Variants in NDUFAF2 observed in about 807,000 individuals in gnomAD.
The protein encoded by NDUFAF2 is NADH:ubiquinone oxidoreductase complex assembly factor 2, also known as NADH dehydrogenase [ubiquinone] 1 alpha subcomplex assembly factor 2.
A neutral mutation model predicts 22.8 loss-of-function variants in NDUFAF2; 13 were observed. That is an observed-to-expected ratio of 0.57 (90% confidence interval 0.37 to 0.91). The LOEUF (loss-of-function observed/expected upper bound fraction) is 0.91. Among genes scored for constraint, NDUFAF2 ranks in the 40% least tolerant of loss-of-function variants. NDUFAF2 has a pLI of 0.01. For synonymous variants in NDUFAF2, 53 were observed against 64.2 expected (o/e 0.83, Z 0.84); for missense variants, 162 against 195.2 (o/e 0.83, Z 1.01).
chr5:61,016,761 G>A (rs1234340456), intron 1 of NDUFAF2, among the ~76,000 whole-genome samples: 2 of 152,170 alleles, frequency 1.3e-5, no homozygotes, highest in South Asian at 2.1e-4. Context: ...GTCAAAGCTT[G>A]TAGTTTTAGG....
At chr5:61,099,163 T>G (rs564312525) in intron 3 of NDUFAF2, 131 bp downstream of exon 3, 4 of 367,672 alleles carry the variant, frequency 1.1e-5, no homozygotes, top group Admixed American at 9.1e-5. Context: ...TTAAAACATT[T>G]TATAATAAAT....
At chr5:60,962,984 C>G (rs28534860) in intron 1 of NDUFAF2, among the ~76,000 whole-genome samples, 7,134 of 151,922 alleles carry the variant, frequency 0.047, 569 homozygotes, top group African/African-American at 0.16. Context: ...CTTCCAGGTT[C>G]AAGTCATTCT....
chr5:61,003,191 A>G (rs927874437), intron 1 of NDUFAF2, among the ~76,000 whole-genome samples: 1 of 152,118 alleles, frequency 6.6e-6, no homozygotes, highest in African/African-American at 2.4e-5. Flanking sequence ...GAATGCACAG[A>G]TTCTCTGCAA....
In NDUFAF2 at chr5:60,998,468, T is replaced by C. The variant is rs573152417; in HGVS notation, c.127+53086T>C. On this transcript the variant is annotated intron_variant, in intron 1 of 3. Transcript: ENST00000296597. ...ATTTTAAAAAAATTAATATGTGGAG[T>C]AGGCTTATAAAATTGTATTTTTTCC... is the stretch of plus-strand genomic sequence containing the variant. Among the ~76,000 whole-genome samples the C allele has an allele frequency of 7.9e-5, 12 of 152,190 alleles. No homozygotes were observed. The South Asian group carries it at 1.9e-3, about 24-fold the overall frequency.
At chr5:61,094,054 G>A (rs1451834713) in intron 2 of NDUFAF2, among the ~76,000 whole-genome samples, 1 of 152,164 alleles carries the variant, frequency 6.6e-6, no homozygotes, top group Non-Finnish European at 1.5e-5. Flanking sequence ...GGATAAAGGT[G>A]TTTATAATAT....
chr5:61,013,866 A>T, intron 1 of NDUFAF2, among the ~76,000 whole-genome samples: 1 of 152,168 alleles, frequency 6.6e-6, no homozygotes, highest in East Asian at 1.9e-4. Flanking sequence ...TCATGTGCAA[A>T]GCACCTTTAT....
chr5:61,073,774 C>G (rs537693110), intron 2 of NDUFAF2, among the ~76,000 whole-genome samples: 2 of 152,292 alleles, frequency 1.3e-5, no homozygotes, highest in South Asian at 4.1e-4. Flanking sequence ...AGACAAACAG[C>G]AGCAGTTGGT....
At chr5:60,979,769 T>G (rs1278637695) in intron 1 of NDUFAF2, among the ~76,000 whole-genome samples, 1 of 152,158 alleles carries the variant, frequency 6.6e-6, no homozygotes, top group Non-Finnish European at 1.5e-5. Flanking sequence ...GACATAAGCC[T>G]GGCTGGATTT....
chr5:61,152,195 A>G (rs1234582159), intron 3 of NDUFAF2, among the ~76,000 whole-genome samples: 3 of 152,058 alleles, frequency 2.0e-5, no homozygotes, highest in Non-Finnish European at 4.4e-5. Context: ...CTTTCCTGCC[A>G]TACCACTCCA....
intron 2 of NDUFAF2, among the ~76,000 whole-genome samples, chr5:61,081,962 G>A (rs1325202854): frequency 1.3e-5 from 2 of 152,206 alleles, no homozygotes; most frequent in Non-Finnish European, 2.9e-5. Context: ...AAAGTATGCA[G>A]GGCACTGCAC....
At chr5:61,037,846 T>C (rs936052609) in intron 1 of NDUFAF2, among the ~76,000 whole-genome samples, 3 of 151,984 alleles carry the variant, frequency 2.0e-5, no homozygotes, top group African/African-American at 7.3e-5. Flanking sequence ...ATTTTTAGGG[T>C]ATTATTCTGA....
intron 2 of NDUFAF2, among the ~76,000 whole-genome samples, chr5:61,091,045 C>T (rs12518865): frequency 0.6 from 91,395 of 152,030 alleles, 28,226 homozygotes; most frequent in East Asian, 0.94. Flanking sequence ...TGCATGTATT[C>T]CATGGTGTAT....
chr5:60,980,178 A>T (rs1750958450), intron 1 of NDUFAF2, among the ~76,000 whole-genome samples: 1 of 152,218 alleles, frequency 6.6e-6, no homozygotes, highest in Non-Finnish European at 1.5e-5. Flanking sequence ...CCTTCCCAAG[A>T]ATGATGAGTA....
intron 1 of NDUFAF2, among the ~76,000 whole-genome samples, chr5:61,062,971 A>G (rs1463699202): frequency 6.6e-6 from 1 of 152,164 alleles, no homozygotes; most frequent in East Asian, 1.9e-4. Context: ...TTCTTCAGAA[A>G]TGAAGGAGAA....
At chr5:61,058,583 A>C (rs1752127444) in intron 1 of NDUFAF2, among the ~76,000 whole-genome samples, 1 of 151,982 alleles carries the variant, frequency 6.6e-6, no homozygotes, top group South Asian at 2.1e-4. Flanking sequence ...TAGCTAAAAA[A>C]ATTTTCATCC....
At chr5:60,952,204 T>G (rs528976382) in intron 1 of NDUFAF2, among the ~76,000 whole-genome samples, 2 of 152,138 alleles carry the variant, frequency 1.3e-5, no homozygotes, top group East Asian at 3.9e-4. Flanking sequence ...TCCATTGGTT[T>G]CAGAACTTAT....
At chr5:61,026,382 T>C (rs1175084881) in intron 1 of NDUFAF2, among the ~76,000 whole-genome samples, 1 of 152,118 alleles carries the variant, frequency 6.6e-6, no homozygotes, top group Non-Finnish European at 1.5e-5. Flanking sequence ...GAAGGACTTC[T>C]CAGTTTAATT....
At chr5:61,006,196 G>A (rs1461032738) in intron 1 of NDUFAF2, among the ~76,000 whole-genome samples, 1 of 152,102 alleles carries the variant, frequency 6.6e-6, no homozygotes, top group Non-Finnish European at 1.5e-5. Context: ...TATTAAATAG[G>A]GAATCCTTTC....
intron 1 of NDUFAF2, among the ~76,000 whole-genome samples, chr5:60,950,515 G>C (rs114147035): frequency 0.013 from 2,007 of 152,100 alleles, 48 homozygotes; most frequent in African/African-American, 0.046. Flanking sequence ...TGTGGTGTTA[G>C]CTATAATTTT....
Sources: gnomAD v4.1 joint callset for allele counts (sites outside exome capture counted in the v4.1 genomes callset) on GRCh38, gnomAD v4.1.1 for gene constraint, MANE v1.5 for transcripts, NCBI Gene and HGNC (gene_info 2026-07-23, HGNC 2026-07-21) for gene names.